The following GUCY1A1 variants were observed in gnomAD, a reference collection of about 807,000 sequenced individuals.
GUCY1A1 encodes the protein guanylate cyclase soluble subunit alpha-1.
Under a neutral mutation model 64.5 loss-of-function variants are expected in GUCY1A1, and 48 were observed. That is an observed-to-expected ratio of 0.74 (90% confidence interval 0.59 to 0.95). The LOEUF (loss-of-function observed/expected upper bound fraction) is 0.95, where lower values mean the gene tolerates loss of function less well. Ranked by LOEUF, GUCY1A1 falls within the 40% of genes least tolerant of loss-of-function variation. The probability of loss-of-function intolerance (pLI) is 0.00; values close to 1 mark genes in which losing one functional copy is unlikely to be tolerated. For synonymous variants in GUCY1A1, 308 were observed against 303.4 expected (o/e 1.02, Z -0.16); for missense variants, 804 against 825.3 (o/e 0.97, Z 0.32).
At chr4:155,700,494 T>C (rs1730943305) in intron 3 of GUCY1A1, among the ~76,000 whole-genome samples, 1 of 152,198 alleles carries the variant, frequency 6.6e-6, no homozygotes, top group African/African-American at 2.4e-5. Context: ...AAATTCACAT[T>C]GTTGACAGCA....
chr4:155,671,147 T>C (rs1283755930), intron 2 of GUCY1A1, among the ~76,000 whole-genome samples: 1 of 152,182 alleles, frequency 6.6e-6, no homozygotes, highest in East Asian at 1.9e-4. Flanking sequence ...TTGTTTATGC[T>C]TTGATGCTAC....
At chr4:155,674,674 G>A (rs890946060) in intron 2 of GUCY1A1, among the ~76,000 whole-genome samples, 2 of 151,430 alleles carry the variant, frequency 1.3e-5, no homozygotes, top group African/African-American at 4.9e-5. Flanking sequence ...TTTCTCACTG[G>A]AAGATCTTTA....
chr4:155,668,193 G>T (rs1296399624), intron 2 of GUCY1A1: 4 of 152,338 alleles, frequency 2.6e-5, no homozygotes, highest in Non-Finnish European at 5.9e-5. Flanking sequence ...GGTGTGAGGG[G>T]CTGCGTTGCA....
chr4:155,709,573 C>A (rs1392705301), intron 5 of GUCY1A1, among the ~76,000 whole-genome samples: 1 of 152,182 alleles, frequency 6.6e-6, no homozygotes, highest in Non-Finnish European at 1.5e-5. Flanking sequence ...GTGGTTCACG[C>A]CTATAATCCC....
intron 7 of GUCY1A1, among the ~76,000 whole-genome samples, chr4:155,713,823 A>T (rs1732900089): frequency 6.6e-6 from 1 of 152,188 alleles, no homozygotes; most frequent in Non-Finnish European, 1.5e-5. Context: ...GTCCTCTCAA[A>T]GAATGAGGAG....
At chr4:155,709,571 C>T (rs1253734641) in intron 5 of GUCY1A1, among the ~76,000 whole-genome samples, 4 of 152,178 alleles carry the variant, frequency 2.6e-5, no homozygotes, top group East Asian at 1.9e-4. Context: ...TGGTGGTTCA[C>T]GCCTATAATC....
chr4:155,711,433 ACTTGATT>A, intron 6 of GUCY1A1, 182 bp downstream of exon 6: 1 of 450,444 alleles, frequency 2.2e-6, no homozygotes, highest in Non-Finnish European at 3.9e-6. Flanking sequence ...TTGTTTGCTT[ACTTGATT>A]CATTACTCCA....
intron 3 of GUCY1A1, among the ~76,000 whole-genome samples, chr4:155,698,672 T>C (rs2126756258): frequency 6.6e-6 from 1 of 152,284 alleles, no homozygotes; most frequent in South Asian, 2.1e-4. Context: ...CGAGACTCTG[T>C]CTCAACAACA....
intron 2 of GUCY1A1, among the ~76,000 whole-genome samples, chr4:155,693,182 A>G (rs1729985035): frequency 6.6e-6 from 1 of 152,180 alleles, no homozygotes; most frequent in Non-Finnish European, 1.5e-5. Flanking sequence ...TAGCTGGGTC[A>G]TTATTCTCAC....
intron 7 of GUCY1A1, among the ~76,000 whole-genome samples, chr4:155,715,111 T>C (rs969463547): frequency 1.3e-5 from 2 of 152,162 alleles, no homozygotes; most frequent in Non-Finnish European, 2.9e-5. Flanking sequence ...CAGAGTTCCC[T>C]GATTAATCTA....
At position 155,722,079 on chromosome 4, in the gene GUCY1A1, C is replaced by G. The variant is rs760848389; in HGVS notation, c.1758C>G (p.Val586=). ...GLHSGSVFAG[V]VGVKMPRYCL... ...ACTCTGGATCAGTTTTTGCTGGCGT[C>G]GTTGGAGTTAAAATGCCCCGTTACT... Residue 586 remains valine, a synonymous_variant, in exon 9 of 10, where the codon GTC becomes GTG. Coordinates refer to ENST00000506455, the MANE Select transcript of GUCY1A1 (RefSeq NM_001130682.3). 1.5e-5 allele frequency: 24 copies of G among 1,613,516 alleles called. No homozygotes were observed. The Admixed American group carries it at 4.0e-4, about 27-fold the overall frequency.
At chr4:155,691,469 T>A (rs1179499135) in intron 2 of GUCY1A1, among the ~76,000 whole-genome samples, 9 of 152,220 alleles carry the variant, frequency 5.9e-5, no homozygotes. Flanking sequence ...AGGAAAACTT[T>A]CTAAGTTTTC....
chr4:155,707,919 C>A (rs2126828576), intron 4 of GUCY1A1, among the ~76,000 whole-genome samples: 1 of 150,868 alleles, frequency 6.6e-6, no homozygotes, highest in East Asian at 2.0e-4. Context: ...GCTACCTCTG[C>A]CCCGCCAGGT....
intron 8 of GUCY1A1, among the ~76,000 whole-genome samples, chr4:155,718,625 A>G (rs1466623640): frequency 2.0e-5 from 3 of 152,162 alleles, no homozygotes; most frequent in Non-Finnish European, 4.4e-5. Context: ...CTTACATGTC[A>G]GATTCCTTGG....
intron 6 of GUCY1A1, among the ~76,000 whole-genome samples, chr4:155,712,802 G>A (rs6842947): frequency 8.5e-5 from 13 of 152,192 alleles, no homozygotes; most frequent in African/African-American, 3.1e-4. Flanking sequence ...CCATTAAGAA[G>A]AATATAGTAG....
chr4:155,708,223 G>T lies in GUCY1A1; in HGVS notation c.318-13G>T. 7.8e-7 allele frequency: 1 copy of T among 1,284,804 alleles called. No individual in the cohort carries two copies. Among genetic ancestry groups the T allele is most frequent in the South Asian group, 1.2e-5 (1 of 83,442 alleles). 79.6% of individuals were successfully genotyped at this position (1,284,804 alleles called of 1,614,324 possible). A position where few individuals can be genotyped will look rare whatever the true frequency, so the allele number is the denominator to read the frequency against. ...TTATAAGTTTATAACTTAAAATATTGAAATATTTCCAGGAAATCTTTGGAA... is the reference window on the plus strand; with the variant it reads ...TTATAAGTTTATAACTTAAAATATTTAAATATTTCCAGGAAATCTTTGGAA... On this transcript the variant is annotated splice_polypyrimidine_tract_variant and intron_variant, in intron 4 of 9. Transcript: ENST00000506455.
In GUCY1A1 at chr4:155,683,421, TAC is replaced by T. The variant is rs759488380; in HGVS notation, c.-112-13334_-112-13333del. Reference sequence around the variant, plus strand: ...CCTATCTATGTCACTTCCGTGTTTATACCAGATGACTCAGAGCCAGTAGTTCT... The same window carrying T: ...CCTATCTATGTCACTTCCGTGTTTATCAGATGACTCAGAGCCAGTAGTTCT... On this transcript the variant is annotated intron_variant, in intron 2 of 9. Coordinates refer to ENST00000506455, the MANE Select transcript of GUCY1A1 (RefSeq NM_001130682.3). Among the ~76,000 whole-genome samples the T allele has an allele frequency of 3.3e-5, 5 of 152,354 alleles. No individual in the cohort carries two copies. The South Asian group carries it at 6.2e-4, about 19-fold the overall frequency.
chr4:155,685,844 C>G (rs1460999611), intron 2 of GUCY1A1, among the ~76,000 whole-genome samples: 1 of 152,098 alleles, frequency 6.6e-6, no homozygotes, highest in Non-Finnish European at 1.5e-5. Flanking sequence ...CCAGAATCTT[C>G]TTTCCAAATA....
intron 2 of GUCY1A1, among the ~76,000 whole-genome samples, chr4:155,686,374 A>G (rs1051472304): frequency 2.6e-5 from 4 of 152,084 alleles, no homozygotes; most frequent in African/African-American, 9.7e-5. Flanking sequence ...CCAGCTACTC[A>G]GGAGGCTGAA....
Sources: gnomAD v4.1 joint callset for allele counts (sites outside exome capture counted in the v4.1 genomes callset) on GRCh38, gnomAD v4.1.1 for gene constraint, MANE v1.5 for transcripts, NCBI Gene and HGNC (gene_info 2026-07-23, HGNC 2026-07-21) for gene names.